The following SIPA1L3 variants were observed in gnomAD, a reference collection of about 807,000 sequenced individuals.
SIPA1L3 encodes the protein signal induced proliferation associated 1 like 3, also known as signal-induced proliferation-associated 1-like protein 3.
In SIPA1L3, 59 loss-of-function variants were observed where a neutral mutation model predicts 150.1. The ratio of observed to expected loss-of-function variants is 0.39; its 90% CI spans 0.32 to 0.49. The LOEUF is 0.49. Ranked by LOEUF, SIPA1L3 falls within the 20% of genes least tolerant of loss-of-function variation. SIPA1L3 has a pLI of 0.86. For synonymous variants in SIPA1L3, 1,070 were observed against 1,077.6 expected, an observed-to-expected ratio of 0.99 and a Z score of 0.14; for missense variants, 2,211 against 2,489.5, an observed-to-expected ratio of 0.89 and a Z score of 2.38.
intron 12 of SIPA1L3, among the ~76,000 whole-genome samples, chr19:38,143,827 G>A (rs895375666): frequency 1.3e-5 from 2 of 151,826 alleles, no homozygotes; most frequent in East Asian, 1.9e-4. Context: ...GTGTGAGCCC[G>A]TGCACCTGGC....
At position 37,981,203 on chromosome 19, in the gene SIPA1L3, C is replaced by T. The variant is rs924329090; in HGVS notation, c.-378-47886C>T. ...ATCCCAGCATTTTGGGAGGCTGAAG[C>T]GGAAGGATTGCTTGAGACCAGGAGT... On this transcript the variant is annotated intron_variant, in intron 1 of 21. Coordinates refer to ENST00000222345, the MANE Select transcript of SIPA1L3 (RefSeq NM_015073.3). Among the ~76,000 whole-genome samples, 14 of 152,078 alleles carry T rather than the reference C, an allele frequency of 9.2e-5. No individual in the cohort carries two copies. In the East Asian group the frequency reaches 1.2e-3, roughly 13 times the overall value.
At chr19:37,924,787 G>T (rs1023577536) in intron 1 of SIPA1L3, among the ~76,000 whole-genome samples, 6 of 151,814 alleles carry the variant, frequency 4.0e-5, no homozygotes, top group Non-Finnish European at 7.4e-5. Context: ...GGTGGCTCAC[G>T]CCTGTAATCC....
intron 1 of SIPA1L3, among the ~76,000 whole-genome samples, chr19:37,924,433 T>TTC (rs2046483683): frequency 2.1e-5 from 3 of 146,154 alleles, no homozygotes; most frequent in African/African-American, 2.6e-5. Context: ...TTTTTTTGTA[T>TTC]ATAAGTAGAA....
chr19:38,111,024 GT>G (rs528494849), intron 8 of SIPA1L3, among the ~76,000 whole-genome samples: 30,318 of 137,970 alleles, frequency 0.22, 4,324 homozygotes, highest in African/African-American at 0.43. Context: ...GTTGTTTTGG[GT>G]TTTTTTTTTT....
chr19:37,985,299 C>T (rs1208846853), intron 1 of SIPA1L3, among the ~76,000 whole-genome samples: 1 of 151,736 alleles, frequency 6.6e-6, no homozygotes, highest in Non-Finnish European at 1.5e-5. Context: ...CTAGCTCAAG[C>T]AATCCTCCCA....
intron 1 of SIPA1L3, among the ~76,000 whole-genome samples, chr19:37,927,519 T>C (rs1342952263): frequency 2.2e-5 from 3 of 138,324 alleles, no homozygotes; most frequent in African/African-American, 5.4e-5. Context: ...GTGTCTGTTG[T>C]TCGTGTGTGT....
chr19:38,138,910 A>AG (rs1971503984), intron 10 of SIPA1L3, among the ~76,000 whole-genome samples: 4 of 112,786 alleles, frequency 3.5e-5, no homozygotes. Context: ...AAAAAAAAAA[A>AG]AAAAACTGAG....
chr19:38,173,466 G>A (rs1041824491), intron 15 of SIPA1L3, among the ~76,000 whole-genome samples: 3 of 152,272 alleles, frequency 2.0e-5, no homozygotes, highest in African/African-American at 7.2e-5. Flanking sequence ...CCTGGCCCTC[G>A]CCCTCTCCTG....
chr19:37,978,932 C>T (rs1165179924), intron 1 of SIPA1L3, among the ~76,000 whole-genome samples: 1 of 152,062 alleles, frequency 6.6e-6, no homozygotes, highest in African/African-American at 2.4e-5. Context: ...GCTGTGATCG[C>T]ACCACTGCAC....
chr19:38,203,344 A>G (rs1973130808), intron 20 of SIPA1L3, among the ~76,000 whole-genome samples: 1 of 152,220 alleles, frequency 6.6e-6, no homozygotes, highest in Admixed American at 6.5e-5. Flanking sequence ...GCAAGGTTGT[A>G]GGAAAGGGTG....
chr19:38,030,516 T>C (rs527838650), intron 2 of SIPA1L3, among the ~76,000 whole-genome samples: 1 of 151,698 alleles, frequency 6.6e-6, no homozygotes, highest in Admixed American at 6.6e-5. Flanking sequence ...AGACCCTGTC[T>C]CAAAAAAACC....
rs939459701 is a variant in SIPA1L3 at position 38,047,872 on chromosome 19, C to G, written c.-311+18716C>G. 2.0e-5 allele frequency among the ~76,000 whole-genome samples: 3 copies of G among 152,196 alleles called. No individual in the cohort carries two copies. Among genetic ancestry groups the G allele is most frequent in the Non-Finnish European group, 4.4e-5 (3 of 68,040 alleles). The stretch of plus-strand genomic sequence containing the variant: ...GCTTTCTGGTCCTGTCTCTCATCCT[C>G]AGCTCCAGTCAGCTGGGGATTAACC... On this transcript the variant is annotated intron_variant, in intron 2 of 21. Transcript: ENST00000222345. This position sits in a 1 kb window ranked among gnomAD's most constrained non-coding sequence, Gnocchi z 4.7.
intron 1 of SIPA1L3, among the ~76,000 whole-genome samples, chr19:37,998,300 C>T (rs1386495124): frequency 6.6e-6 from 1 of 152,130 alleles, no homozygotes; most frequent in Non-Finnish European, 1.5e-5. Flanking sequence ...CCTCAGCCAG[C>T]CCTGTGTCTT....
At chr19:38,041,273 AT>A (rs35807588) in intron 2 of SIPA1L3, among the ~76,000 whole-genome samples, 8 of 72,496 alleles carry the variant, frequency 1.1e-4, no homozygotes, top group Admixed American at 2.1e-4. Flanking sequence ...CGCTCAGCTA[AT>A]TTTTTTTTTT....
intron 2 of SIPA1L3, among the ~76,000 whole-genome samples, chr19:38,029,722 C>CG (rs1195599355): frequency 9.9e-5 from 15 of 152,062 alleles, no homozygotes; most frequent in African/African-American, 3.4e-4. Context: ...CTTCAGCCTC[C>CG]GGAGTAGCTG....
chr19:38,061,249 A>G (rs1969439716), intron 2 of SIPA1L3, among the ~76,000 whole-genome samples: 1 of 151,004 alleles, frequency 6.6e-6, no homozygotes, highest in Admixed American at 6.6e-5. Context: ...TTCTTTTTAG[A>G]GATGGGGTCT....
chr19:38,051,198 A>G (rs1969190423), intron 2 of SIPA1L3, among the ~76,000 whole-genome samples: 1 of 152,232 alleles, frequency 6.6e-6, no homozygotes, highest in African/African-American at 2.4e-5. Flanking sequence ...GTGACGTGAT[A>G]AATACTTTTT....
Position 38,081,650 on chromosome 19 carries a change from C to CCA in SIPA1L3, c.92_93dup (p.Gly32GlnfsTer63). The CCA allele has an allele frequency of 6.2e-7, 1 of 1,611,026 alleles. No individual in the cohort carries two copies. Among genetic ancestry groups the CCA allele is most frequent in the Non-Finnish European group, 8.5e-7 (1 of 1,178,652 alleles). ...CAGGGTGGGCGATGTCCTCCCTGGGCCACACACAGGGGACTACGCTCCCTT... is the reference window on the plus strand; with the variant it reads ...CAGGGTGGGCGATGTCCTCCCTGGGCCACACACACAGGGGACTACGCTCCCTT... On this transcript the variant is annotated frameshift_variant, in exon 3 of 22. Coordinates refer to ENST00000222345, the MANE Select transcript of SIPA1L3 (RefSeq NM_015073.3). LOFTEE classifies it high-confidence loss of function.
intron 1 of SIPA1L3, among the ~76,000 whole-genome samples, chr19:37,965,882 G>T (rs2046900013): frequency 6.6e-6 from 1 of 152,090 alleles, no homozygotes; most frequent in Admixed American, 6.6e-5. Context: ...TCTGTGTTTG[G>T]GCATTGCCAC....
Sources: gnomAD v4.1 joint callset for allele counts (sites outside exome capture counted in the v4.1 genomes callset) on GRCh38, gnomAD v4.1.1 for gene constraint, Gnocchi (gnomAD v3.1) non-coding constraint, MANE v1.5 for transcripts, NCBI Gene and HGNC (gene_info 2026-07-23, HGNC 2026-07-21) for gene names.